The following NECTIN1 variants were observed in gnomAD, a reference collection of about 807,000 sequenced individuals.
NECTIN1 encodes the protein nectin-1.
In NECTIN1, 23 loss-of-function variants were observed where a neutral mutation model predicts 48.0. That is an observed-to-expected ratio of 0.48 (90% CI 0.34 to 0.68). The LOEUF (loss-of-function observed/expected upper bound fraction) is 0.68, where lower values mean the gene tolerates loss of function less well. NECTIN1 is among the 30% of genes least tolerant of loss of function. The probability of loss-of-function intolerance (pLI) is 0.01; values close to 1 mark genes in which losing one functional copy is unlikely to be tolerated. For synonymous variants in NECTIN1, 270 were observed against 288.9 expected, an observed-to-expected ratio of 0.93 and a Z score of 0.66; for missense variants, 591 against 709.9, an observed-to-expected ratio of 0.83 and a Z score of 1.90.
chr11:119,710,911 C>T (rs544399227), intron 1 of NECTIN1, among the ~76,000 whole-genome samples: 18 of 152,268 alleles, frequency 1.2e-4, no homozygotes, highest in African/African-American at 4.1e-4. Context: ...CACATAACCG[C>T]AGACCTTCCT....
At chr11:119,657,094 C>T (rs954569997), downstream of NECTIN1, among the ~76,000 whole-genome samples, 1 of 152,230 alleles carries the variant, frequency 6.6e-6, no homozygotes, top group African/African-American at 2.4e-5. Context: ...TCCCAAGTCT[C>T]ACAGGTGACG....
At chr11:119,676,295 A>G (rs7122134) in intron 4 of NECTIN1, among the ~76,000 whole-genome samples, 85,933 of 152,118 alleles carry the variant, frequency 0.56, 26,368 homozygotes, top group African/African-American at 0.81. Flanking sequence ...TCCTGGGTCC[A>G]CAGAGCTGAA....
intron 1 of NECTIN1, among the ~76,000 whole-genome samples, chr11:119,691,486 G>T (rs1468836652): frequency 6.6e-6 from 1 of 152,234 alleles, no homozygotes; most frequent in African/African-American, 2.4e-5. Flanking sequence ...TCTGCGGGTG[G>T]TCTGCCTGCA....
chr11:119,672,919 G>A lies in NECTIN1; in HGVS notation c.1003+2240C>T, dbSNP rs941751454. Among the ~76,000 whole-genome samples, 9 of 152,164 alleles carry A rather than the reference G, an allele frequency of 5.9e-5. No individual in the cohort carries two copies. The highest frequency in any genetic ancestry group is 1.9e-4 in the East Asian group (1 of 5,182). On this transcript the variant is annotated intron_variant, in intron 5 of 5. Coordinates refer to ENST00000264025, the MANE Select transcript of NECTIN1 (RefSeq NM_002855.5). This position sits in a 1 kb window ranked among gnomAD's most constrained non-coding sequence, Gnocchi z 4.3. ...CAGCACACACGTGTTCTGCATATGC[G>A]TGTCCCTCCAGCACACCCCCTGCTG...
At chr11:119,638,163 G>C (rs571008613) in exon 8 of NECTIN1, 1 of 1,613,882 alleles carries the variant, frequency 6.2e-7, no homozygotes, top group African/African-American at 1.3e-5. Context: ...GAGACCCCCA[G>C]ATCATAGTAG....
At chr11:119,679,152 A>G (rs565280866) in intron 1 of NECTIN1, among the ~76,000 whole-genome samples, 4 of 152,224 alleles carry the variant, frequency 2.6e-5, no homozygotes, top group African/African-American at 9.6e-5. Flanking sequence ...CTGCACCCTC[A>G]TTTTTGGTTG....
At chr11:119,716,562 C>T (rs999592369) in intron 1 of NECTIN1, among the ~76,000 whole-genome samples, 12 of 152,234 alleles carry the variant, frequency 7.9e-5, no homozygotes, top group Admixed American at 7.2e-4. Context: ...TCCAAAATAA[C>T]CACTGGGTTC....
At position 119,673,677 on chromosome 11, in the gene NECTIN1, A is replaced by G. The variant is rs1864897104; in HGVS notation, c.1003+1482T>C. Reference sequence around the variant, plus strand: ...GACAGTGCCTCCCTGAGGGGTGGTCATGTTCCCTATGGCCACTCCACATGG... The same window carrying G: ...GACAGTGCCTCCCTGAGGGGTGGTCGTGTTCCCTATGGCCACTCCACATGG... On this transcript the variant is annotated intron_variant, in intron 5 of 5. Coordinates refer to ENST00000264025, the MANE Select transcript of NECTIN1 (RefSeq NM_002855.5). The surrounding 1 kb of genome is among the most constrained non-coding windows in gnomAD (Gnocchi z 5.8). Among the ~76,000 whole-genome samples, 9 of 152,226 alleles carry G rather than the reference A, an allele frequency of 5.9e-5. No individual in the cohort carries two copies. The South Asian group carries it at 1.9e-3, about 32-fold the overall frequency.
chr11:119,640,075 G>C, intron 5 of NECTIN1: 1 of 1,486,758 alleles, frequency 6.7e-7, no homozygotes, highest in South Asian at 1.2e-5. Context: ...AAGAGAGTCA[G>C]AGATGTGAGA....
At chr11:119,667,147 G>A (rs933163143) in intron 5 of NECTIN1, among the ~76,000 whole-genome samples, 1 of 152,058 alleles carries the variant, frequency 6.6e-6, no homozygotes, top group African/African-American at 2.4e-5. Context: ...AGCATCTCCC[G>A]GCTCACCAGG....
At chr11:119,712,354 G>GC (rs1282838381) in intron 1 of NECTIN1, among the ~76,000 whole-genome samples, 7 of 118,436 alleles carry the variant, frequency 5.9e-5, no homozygotes, top group South Asian at 3.1e-4. Context: ...CCCAGTTCAG[G>GC]CCCCCGAGTC....
rs1229321088 is a variant in NECTIN1 at position 119,663,462 on chromosome 11, G to A, written c.*1285C>T. ...CCCAGAATGAGGACCAGGGGTGGCT[G>A]AGCAGGAGGTGGCCTAGCGGCCCCA... On this transcript the variant is annotated 3_prime_UTR_variant, in exon 6 of 6. Transcript: ENST00000264025. 1 of 985,534 alleles carries A rather than the reference G, an allele frequency of 1.0e-6. No homozygotes were observed. Among genetic ancestry groups the A allele is most frequent in the Non-Finnish European group, 1.2e-6 (1 of 829,980 alleles). 61.0% of individuals were successfully genotyped at this position (985,534 alleles called of 1,614,324 possible).
At chr11:119,718,495 T>G (rs1865779678) in intron 1 of NECTIN1, among the ~76,000 whole-genome samples, 1 of 152,188 alleles carries the variant, frequency 6.6e-6, no homozygotes, top group Admixed American at 6.5e-5. Flanking sequence ...TTTTGGGATC[T>G]CTGGGTGAGG....
rs1423496003 is a variant in NECTIN1, at chr11:119,677,199, C to G, written c.754G>C (p.Glu252Gln). The G allele has an allele frequency of 6.2e-7, 1 of 1,614,000 alleles. No individual in the cohort carries two copies. The highest frequency in any genetic ancestry group is 8.5e-7 in the Non-Finnish European group (1 of 1,179,998). Residue 252 changes from glutamate (E) to glutamine (Q), a missense_variant, in exon 4 of 6, where the codon GAG becomes CAG. By Grantham distance (29) the Glu-to-Gln change is conservative. Coordinates refer to ENST00000264025, the MANE Select transcript of NECTIN1 (RefSeq NM_002855.5). This position sits in a 1 kb window ranked among gnomAD's most constrained non-coding sequence, Gnocchi z 5.4. ...AGGTACCAGTTGCCATCAAACCCCTCAATGGTTACCTCAGGCTCATCTGTG... is the reference window on the plus strand; with the variant it reads ...AGGTACCAGTTGCCATCAAACCCCTGAATGGTTACCTCAGGCTCATCTGTG... ...NVQYEPEVTI[E>Q]GFDGNWYLQR...
intron 1 of NECTIN1, among the ~76,000 whole-genome samples, chr11:119,679,791 T>C (rs1423355414): frequency 1.3e-5 from 2 of 152,058 alleles, no homozygotes; most frequent in African/African-American, 4.8e-5. Context: ...CCTAGACTCT[T>C]ACCCAGGCAG....
At chr11:119,657,837 C>T (rs1355669341), downstream of NECTIN1, among the ~76,000 whole-genome samples, 1 of 144,648 alleles carries the variant, frequency 6.9e-6, no homozygotes, top group African/African-American at 2.5e-5. Flanking sequence ...AAGAAGATTG[C>T]TTGAGCCCAG....
In NECTIN1 at chr11:119,677,106, T is replaced by G; in HGVS notation, c.847A>C (p.Thr283Pro). ...ANPPATEYHW[T>P]TLNGSLPKGV... Reference sequence around the variant, plus strand: ...GGTCAGCCCTGCAGCACTTACGTGGTCCAGTGGTACTCAGTGGCTGGGGGG... The same window carrying G: ...GGTCAGCCCTGCAGCACTTACGTGGGCCAGTGGTACTCAGTGGCTGGGGGG... The change falls in exon 4 of 6, where the codon ACC (threonine) becomes CCC (proline). Residue 283 changes from threonine (T) to proline (P), a missense_variant. Transcript: ENST00000264025. The surrounding 1 kb of genome is among the most constrained non-coding windows in gnomAD (Gnocchi z 5.4). 6.2e-7 allele frequency: 1 copy of G among 1,613,658 alleles called. No individual in the cohort carries two copies. The highest frequency in any genetic ancestry group is 8.5e-7 in the Non-Finnish European group (1 of 1,179,646).
chr11:119,673,351 C>T lies in NECTIN1; in HGVS notation c.1003+1808G>A, dbSNP rs1349004716. On this transcript the variant is annotated intron_variant, in intron 5 of 5. Coordinates refer to ENST00000264025, the MANE Select transcript of NECTIN1 (RefSeq NM_002855.5). The surrounding 1 kb of genome is among the most constrained non-coding windows in gnomAD (Gnocchi z 5.8). ...AGTGAGTGCCATGCGTCCCTGGCTC[C>T]TGCCTAACGGGGCTGCCAGCAAGAG... Among the ~76,000 whole-genome samples, 4 of 152,194 alleles carry T rather than the reference C, an allele frequency of 2.6e-5. No individual in the cohort carries two copies. The East Asian group carries it at 7.7e-4, about 29-fold the overall frequency.
chr11:119,720,714 C>T (rs188461029), intron 1 of NECTIN1, among the ~76,000 whole-genome samples: 102 of 152,274 alleles, frequency 6.7e-4, no homozygotes, highest in African/African-American at 2.4e-3. Flanking sequence ...AGGGGAGGGA[C>T]GCAAAGCAGA....
Sources: gnomAD v4.1 joint callset for allele counts (sites outside exome capture counted in the v4.1 genomes callset) on GRCh38, gnomAD v4.1.1 for gene constraint, Gnocchi (gnomAD v3.1) non-coding constraint, MANE v1.5 for transcripts, NCBI Gene and HGNC (gene_info 2026-07-23, HGNC 2026-07-21) for gene names.